NRXN1: variants seen among roughly 807,000 people sequenced by gnomAD.
NRXN1 encodes neurexin-1.
NRXN1 carries 39 observed loss-of-function variants against 150.9 expected under a neutral mutation model. The observed-to-expected ratio is 0.26, with a 90% CI of 0.20 to 0.34. The LOEUF is 0.34. Ranked by LOEUF, NRXN1 falls within the 10% of genes least tolerant of loss-of-function variation. The probability of loss-of-function intolerance (pLI) is 1.00; values close to 1 mark genes in which losing one functional copy is unlikely to be tolerated. For synonymous variants in NRXN1, 924 were observed against 757.0 expected, an observed-to-expected ratio of 1.22 and a Z score of -3.62; for missense variants, 1,815 against 1,949.9, an observed-to-expected ratio of 0.93 and a Z score of 1.30.
At chr2:50,781,451 C>T (rs953959681) in intron 5 of NRXN1, among the ~76,000 whole-genome samples, 9 of 151,398 alleles carry the variant, frequency 5.9e-5, no homozygotes, top group East Asian at 1.9e-4. Flanking sequence ...TATCTCCAAG[C>T]GCTTAGCCCT....
chr2:50,775,373 C>T (rs1703484190), intron 5 of NRXN1, among the ~76,000 whole-genome samples: 1 of 152,110 alleles, frequency 6.6e-6, no homozygotes, highest in Non-Finnish European at 1.5e-5. Flanking sequence ...GGGAAAGCCT[C>T]ATCTTTTCCT....
At chr2:50,892,833 T>G (rs1282023142) in intron 5 of NRXN1, among the ~76,000 whole-genome samples, 2 of 152,198 alleles carry the variant, frequency 1.3e-5, no homozygotes, top group Admixed American at 6.5e-5. Context: ...ACTCAATGTT[T>G]ATTTCAACAA....
intron 5 of NRXN1, among the ~76,000 whole-genome samples, chr2:50,874,598 A>G (rs1559379317): frequency 6.6e-6 from 1 of 151,856 alleles, no homozygotes; most frequent in Admixed American, 6.6e-5. Flanking sequence ...TCCAAATGAA[A>G]TAGTAGTAAT....
At chr2:50,155,836 C>T (rs185556532) in intron 18 of NRXN1, among the ~76,000 whole-genome samples, 3 of 151,236 alleles carry the variant, frequency 2.0e-5, no homozygotes, top group African/African-American at 7.3e-5. Flanking sequence ...TCACAGTAGA[C>T]TGAGCAAAAA....
chr2:50,108,914 G>A (rs556659366), intron 18 of NRXN1, among the ~76,000 whole-genome samples: 1 of 152,208 alleles, frequency 6.6e-6, no homozygotes, highest in East Asian at 1.9e-4. Context: ...AAACCACACT[G>A]TTGGATGCAA....
chr2:50,768,537 G>T (rs190889158), intron 5 of NRXN1, among the ~76,000 whole-genome samples: 1 of 151,750 alleles, frequency 6.6e-6, no homozygotes, highest in Non-Finnish European at 1.5e-5. Context: ...GAACTCCTGA[G>T]CTCAAGTGAT....
intron 17 of NRXN1, among the ~76,000 whole-genome samples, chr2:50,311,458 C>T (rs927805194): frequency 1.3e-5 from 2 of 151,976 alleles, no homozygotes; most frequent in African/African-American, 4.8e-5. Flanking sequence ...TTCTAAATCC[C>T]CAGGAGCTCA....
At chr2:49,980,843 G>A (rs1404864327) in intron 21 of NRXN1, among the ~76,000 whole-genome samples, 1 of 152,064 alleles carries the variant, frequency 6.6e-6, no homozygotes, top group Non-Finnish European at 1.5e-5. Flanking sequence ...GACCTCTAGA[G>A]AGAGGTAAAG....
At chr2:50,675,764 G>T (rs1164580867) in intron 5 of NRXN1, among the ~76,000 whole-genome samples, 1 of 152,022 alleles carries the variant, frequency 6.6e-6, no homozygotes. Flanking sequence ...TGAATTTTAT[G>T]AACTGTCACA....
rs115619160 is a variant in NRXN1, at chr2:50,203,321, A to G, written c.3546+33468T>C. ...CCTAGTGTAGGAAACAAACTCTGAA[A>G]AACCAACAGTCAAATGAGCTCTACA... is the stretch of plus-strand genomic sequence containing the variant. On this transcript the variant is annotated intron_variant, in intron 18 of 22. Transcript: ENST00000401669. 2.0e-3 allele frequency among the ~76,000 whole-genome samples: 297 copies of G among 152,300 alleles called. 2 individuals carry two copies. Among genetic ancestry groups the G allele is most frequent in the African/African-American group, 6.9e-3 (288 of 41,564 alleles).
At chr2:49,991,827 T>C (rs1210177532) in intron 21 of NRXN1, among the ~76,000 whole-genome samples, 1 of 152,178 alleles carries the variant, frequency 6.6e-6, no homozygotes, top group Non-Finnish European at 1.5e-5. Context: ...ACTGACATCA[T>C]CTAACGTCAA....
chr2:50,391,570 G>A (rs10191261), intron 17 of NRXN1, among the ~76,000 whole-genome samples: 36,082 of 151,880 alleles, frequency 0.24, 4,614 homozygotes, highest in East Asian at 0.43. Context: ...ATATTGAAGC[G>A]TTGGGAACAC....
intron 5 of NRXN1, among the ~76,000 whole-genome samples, chr2:50,860,411 G>A (rs1324732792): frequency 1.3e-5 from 2 of 152,034 alleles, no homozygotes; most frequent in Non-Finnish European, 2.9e-5. Context: ...GGAGAAATTA[G>A]AAAAAACTCT....
At chr2:49,955,679 A>G (rs1343324318) in intron 21 of NRXN1, among the ~76,000 whole-genome samples, 7 of 151,950 alleles carry the variant, frequency 4.6e-5, no homozygotes, top group African/African-American at 1.2e-4. Flanking sequence ...GCAATAGTCT[A>G]TTGCATTATA....
In NRXN1 at chr2:50,728,470, A is replaced by G. The variant is rs796336940; in HGVS notation, c.833-104855T>C. ...CCATCAACCATGTCTATGTGTGTGTATGTGTATGTAAATAAATTTATGGCT... is the reference window on the plus strand; with the variant it reads ...CCATCAACCATGTCTATGTGTGTGTGTGTGTATGTAAATAAATTTATGGCT... On this transcript the variant is annotated intron_variant, in intron 5 of 22. Coordinates refer to ENST00000401669, the MANE Select transcript of NRXN1 (RefSeq NM_001330078.2). Among the ~76,000 whole-genome samples, 8 of 152,262 alleles carry G rather than the reference A, an allele frequency of 5.3e-5. 1 individual carries two copies. Among genetic ancestry groups the G allele is most frequent in the African/African-American group, 1.9e-4 (8 of 41,560 alleles).
At chr2:50,932,475 T>A (rs1262478142) in intron 2 of NRXN1, among the ~76,000 whole-genome samples, 2 of 152,014 alleles carry the variant, frequency 1.3e-5, no homozygotes, top group Non-Finnish European at 2.9e-5. Context: ...AAGTGGAGCA[T>A]TTAGGCCATT....
At chr2:50,730,725 T>G (rs1005773205) in intron 5 of NRXN1, among the ~76,000 whole-genome samples, 1 of 139,158 alleles carries the variant, frequency 7.2e-6, no homozygotes, top group African/African-American at 2.7e-5. Context: ...CAGGCTGGAG[T>G]GCAGTGGCGC....
At chr2:50,519,215 A>G (rs1474486933) in intron 12 of NRXN1, among the ~76,000 whole-genome samples, 1 of 151,952 alleles carries the variant, frequency 6.6e-6, no homozygotes, top group Non-Finnish European at 1.5e-5. Flanking sequence ...TTTTCTAAGC[A>G]ATGATATAAT....
At chr2:50,389,052 C>A (rs2081513379) in intron 17 of NRXN1, among the ~76,000 whole-genome samples, 1 of 151,946 alleles carries the variant, frequency 6.6e-6, no homozygotes, top group African/African-American at 2.4e-5. Flanking sequence ...CCTGTAGTCC[C>A]AGCTTCTTGG....
Sources: gnomAD v4.1 joint callset for allele counts (sites outside exome capture counted in the v4.1 genomes callset) on GRCh38, gnomAD v4.1.1 for gene constraint, MANE v1.5 for transcripts, NCBI Gene and HGNC (gene_info 2026-07-23, HGNC 2026-07-21) for gene names.